The following OPCML variants were observed in gnomAD, a reference collection of about 807,000 sequenced individuals.
The protein encoded by OPCML is opioid binding protein/cell adhesion molecule like.
A neutral mutation model predicts 37.8 loss-of-function variants in OPCML; 13 were observed. That is an observed-to-expected ratio of 0.34 (90% CI 0.22 to 0.55). OPCML has a LOEUF of 0.55. Ranked by LOEUF, OPCML falls within the 20% of genes least tolerant of loss-of-function variation. OPCML has a pLI of 0.91. For synonymous variants in OPCML, 176 were observed against 168.8 expected (o/e 1.04, Z -0.33); for missense variants, 341 against 435.6 (o/e 0.78, Z 1.93).
rs369249196 is a variant in OPCML, at chr11:132,717,910, G to A, written c.147-60591C>T. ...AGCATTCGCTAGGGATCTTCAATCCGTCAAGTTTACAGAGAACAGGTAGAT... is the reference window on the plus strand; with the variant it reads ...AGCATTCGCTAGGGATCTTCAATCCATCAAGTTTACAGAGAACAGGTAGAT... On this transcript the variant is annotated intron_variant, in intron 2 of 7. Coordinates refer to ENST00000524381, the MANE Select transcript of OPCML (RefSeq NM_001012393.5). Among the ~76,000 whole-genome samples the A allele has an allele frequency of 1.8e-4, 27 of 152,206 alleles. 1 individual carries two copies. The highest frequency in any genetic ancestry group is 7.9e-4 in the Admixed American group (12 of 15,286).
chr11:133,198,432 G>T (rs531427871), intron 1 of OPCML, among the ~76,000 whole-genome samples: 1 of 152,248 alleles, frequency 6.6e-6, no homozygotes, highest in South Asian at 2.1e-4. Context: ...AAATGGCTCT[G>T]CTCTGCTCTA....
intron 3 of OPCML, among the ~76,000 whole-genome samples, chr11:132,645,800 C>T (rs1378469270): frequency 6.6e-6 from 1 of 152,202 alleles, no homozygotes; most frequent in Non-Finnish European, 1.5e-5. Context: ...TTTTCAGTCA[C>T]ACTAGTCACA....
chr11:133,334,858 G>A (rs1314667315), intron 1 of OPCML, among the ~76,000 whole-genome samples: 1 of 152,144 alleles, frequency 6.6e-6, no homozygotes, highest in Non-Finnish European at 1.5e-5. Context: ...CCAGTCTGGG[G>A]CGGCCTTTGG....
At chr11:133,224,527 G>A (rs188680233) in intron 1 of OPCML, among the ~76,000 whole-genome samples, 6 of 152,306 alleles carry the variant, frequency 3.9e-5, no homozygotes, top group Non-Finnish European at 7.3e-5. Flanking sequence ...GACTGAGCCT[G>A]CAAAAAGCTG....
At chr11:133,318,356 G>C (rs1238665878) in intron 1 of OPCML, among the ~76,000 whole-genome samples, 2 of 152,112 alleles carry the variant, frequency 1.3e-5, no homozygotes, top group Non-Finnish European at 2.9e-5. Context: ...TCATCATCCT[G>C]GATATCTGAT....
rs1565467977 is a variant in OPCML, at chr11:133,140,796, A to AGACGACGAC, written c.62-197787_62-197786insGTCGTCGTC. 2.9e-4 allele frequency among the ~76,000 whole-genome samples: 41 copies of AGACGACGAC among 142,648 alleles called. 2 individuals carry two copies. Among genetic ancestry groups the AGACGACGAC allele is most frequent in the South Asian group, 4.7e-4 (2 of 4,248 alleles). The allele number at this position is 142,648 out of a possible 152,430, so 93.6% of individuals were successfully genotyped here. ...AAGAAGAAGAAGACGACGAAGAAGA[A>AGACGACGAC]GAAGAAGAAGACGACGACGAAGAAG... On this transcript the variant is annotated intron_variant, in intron 1 of 7. Transcript: ENST00000524381.
intron 3 of OPCML, among the ~76,000 whole-genome samples, chr11:132,570,638 AAAG>A (rs1232395742): frequency 1.3e-5 from 2 of 151,138 alleles, no homozygotes; most frequent in Non-Finnish European, 2.9e-5. Context: ...CAGTCTCAAA[AAAG>A]AAGCAGGGGA....
At chr11:132,860,749 G>A (rs797000651) in intron 2 of OPCML, 15 of 152,282 alleles carry the variant, frequency 9.9e-5, no homozygotes, top group African/African-American at 3.1e-4. Flanking sequence ...CACCAGAAAA[G>A]CTAGATTCAC....
intron 1 of OPCML, among the ~76,000 whole-genome samples, chr11:133,101,069 T>C (rs925092295): frequency 4.6e-5 from 7 of 152,020 alleles, no homozygotes; most frequent in African/African-American, 1.7e-4. Context: ...GGACTACAGG[T>C]GCCCACTGTC....
intron 1 of OPCML, among the ~76,000 whole-genome samples, chr11:133,303,826 G>C (rs1025799781): frequency 1.3e-5 from 2 of 152,244 alleles, no homozygotes; most frequent in African/African-American, 4.8e-5. Flanking sequence ...AAAAAAAGTT[G>C]CAGAATAGGG....
At chr11:133,038,004 A>T (rs1250887623) in intron 1 of OPCML, among the ~76,000 whole-genome samples, 1 of 152,218 alleles carries the variant, frequency 6.6e-6, no homozygotes, top group Non-Finnish European at 1.5e-5. Context: ...TACTAGGAGG[A>T]GGATGTGCAA....
At chr11:133,289,009 A>T (rs1333552153) in intron 1 of OPCML, among the ~76,000 whole-genome samples, 1 of 152,200 alleles carries the variant, frequency 6.6e-6, no homozygotes, top group Non-Finnish European at 1.5e-5. Context: ...ACACAGTCAC[A>T]GACATGCAGG....
At chr11:132,992,717 A>C (rs541195833) in intron 1 of OPCML, among the ~76,000 whole-genome samples, 1 of 152,312 alleles carries the variant, frequency 6.6e-6, no homozygotes, top group East Asian at 1.9e-4. Flanking sequence ...GTTATGATTA[A>C]AGGGCAAAAA....
At chr11:133,452,361 T>C (rs1320509576) in intron 1 of OPCML, among the ~76,000 whole-genome samples, 1 of 151,712 alleles carries the variant, frequency 6.6e-6, no homozygotes, top group Non-Finnish European at 1.5e-5. Flanking sequence ...ATTCATTTTA[T>C]ATCTTTTAAA....
intron 4 of OPCML, among the ~76,000 whole-genome samples, chr11:132,471,123 G>A (rs747853575): frequency 1.6e-4 from 24 of 152,132 alleles, no homozygotes; most frequent in Admixed American, 2.6e-4. Flanking sequence ...ATTTGGTAAC[G>A]CATTATTCAA....
intron 3 of OPCML, among the ~76,000 whole-genome samples, chr11:132,655,998 T>C (rs1448701174): frequency 6.6e-6 from 1 of 151,394 alleles, no homozygotes; most frequent in Non-Finnish European, 1.5e-5. Flanking sequence ...AAAAGGCAGA[T>C]GCTAAAGACT....
chr11:133,003,820 A>G, intron 1 of OPCML: 1 of 985,384 alleles, frequency 1.0e-6, no homozygotes, highest in Non-Finnish European at 1.2e-6. Context: ...CAATTTCTCC[A>G]AACAGCGGAT....
intron 1 of OPCML, among the ~76,000 whole-genome samples, chr11:133,287,487 C>T (rs117910390): frequency 3.4e-5 from 5 of 145,232 alleles, no homozygotes; most frequent in Non-Finnish European, 7.5e-5. Flanking sequence ...CCCACCAGAC[C>T]GGAAACAGTA....
intron 3 of OPCML, among the ~76,000 whole-genome samples, chr11:132,541,532 T>G (rs891966067): frequency 2.2e-5 from 3 of 136,996 alleles, no homozygotes; most frequent in African/African-American, 8.7e-5. Flanking sequence ...TTTTTTTTTT[T>G]GCCAGCAACT....
Sources: allele counts gnomAD v4.1 joint callset (sites outside exome capture counted in the v4.1 genomes callset), GRCh38; gene constraint gnomAD v4.1.1; transcripts MANE v1.5; gene names NCBI Gene and HGNC (gene_info 2026-07-23, HGNC 2026-07-21).